Variants in ST6GALNAC3 observed in about 807,000 individuals in gnomAD.
ST6GALNAC3 encodes alpha-N-acetylgalactosaminide alpha-2,6-sialyltransferase 3.
Under a neutral mutation model 32.7 loss-of-function variants are expected in ST6GALNAC3, and 25 were observed. That is an observed-to-expected ratio of 0.76 (90% CI 0.56 to 1.07). The LOEUF (loss-of-function observed/expected upper bound fraction) is 1.07, where lower values mean the gene tolerates loss of function less well. Among genes scored for constraint, ST6GALNAC3 ranks in the 50% least tolerant of loss-of-function variants. ST6GALNAC3 has a pLI of 0.00. For synonymous variants in ST6GALNAC3, 129 were observed against 133.1 expected, an observed-to-expected ratio of 0.97 and a Z score of 0.21; for missense variants, 355 against 382.4, an observed-to-expected ratio of 0.93 and a Z score of 0.60.
intron 2 of ST6GALNAC3, among the ~76,000 whole-genome samples, chr1:76,385,603 G>A (rs6421755): frequency 0.99 from 149,986 of 152,244 alleles, 73,929 homozygotes; most frequent in Middle Eastern, 1. Context: ...TAAGCACTCC[G>A]TAAATATGTG....
At chr1:76,356,878 G>A (rs951668905) in intron 2 of ST6GALNAC3, among the ~76,000 whole-genome samples, 2 of 152,148 alleles carry the variant, frequency 1.3e-5, no homozygotes, top group Middle Eastern at 3.4e-3. Flanking sequence ...CAGCAAAACC[G>A]TATTGCGGTC....
chr1:76,397,369 C>CT (rs66473246), intron 2 of ST6GALNAC3, among the ~76,000 whole-genome samples: 79,973 of 123,436 alleles, frequency 0.65, 26,900 homozygotes, highest in East Asian at 0.83. Context: ...CTATAAGATG[C>CT]TTTTTTTTTT....
rs369707617 is a variant in ST6GALNAC3, at chr1:76,489,943, A to G, written c.623+77526A>G. Among the ~76,000 whole-genome samples the G allele has an allele frequency of 1.1e-3, 171 of 152,260 alleles. 1 individual carries two copies. In the Middle Eastern group the frequency reaches 0.024, roughly 21 times the overall value. On this transcript the variant is annotated intron_variant, in intron 3 of 4. Coordinates refer to ENST00000328299, the MANE Select transcript of ST6GALNAC3 (RefSeq NM_152996.4). The stretch of plus-strand genomic sequence containing the variant: ...TTCTGGTGATTCTTCCCTAAGCCCC[A>G]GGTAGCTGGAGGGCACATACCCTCG...
At chr1:76,448,277 G>A (rs184424705) in intron 3 of ST6GALNAC3, among the ~76,000 whole-genome samples, 6 of 152,110 alleles carry the variant, frequency 3.9e-5, no homozygotes, top group South Asian at 4.1e-4. Flanking sequence ...CCTTTTGAAT[G>A]GCTGTATTTA....
chr1:76,142,699 A>G (rs1186044765), intron 1 of ST6GALNAC3, among the ~76,000 whole-genome samples: 1 of 152,230 alleles, frequency 6.6e-6, no homozygotes, highest in African/African-American at 2.4e-5. Flanking sequence ...AGCCATTCTA[A>G]AGACATTGAA....
intron 1 of ST6GALNAC3, among the ~76,000 whole-genome samples, chr1:76,300,618 A>G (rs989046828): frequency 6.6e-6 from 1 of 152,020 alleles, no homozygotes; most frequent in South Asian, 2.1e-4. Context: ...TAAACTGATT[A>G]GTATCACAAC....
chr1:76,595,541 A>T (rs115687169), intron 3 of ST6GALNAC3, among the ~76,000 whole-genome samples: 1 of 152,148 alleles, frequency 6.6e-6, no homozygotes, highest in East Asian at 1.9e-4. Flanking sequence ...CACACTTAAA[A>T]TGTTCAGAAA....
rs899345632 is a variant in ST6GALNAC3, at chr1:76,255,883, T to A, written c.19-57922T>A. 3.9e-5 allele frequency among the ~76,000 whole-genome samples: 6 copies of A among 152,142 alleles called. No individual in the cohort carries two copies. The South Asian group carries it at 1.2e-3, about 32-fold the overall frequency. On this transcript the variant is annotated intron_variant, in intron 1 of 4. Transcript: ENST00000328299. ...ATATAAAAGGCAGGAAAAGTAGGGG[T>A]ATAAGAAAATAAAATAAAGATCAAA... is the stretch of plus-strand genomic sequence containing the variant.
At chr1:76,227,224 C>T (rs1392766504) in intron 1 of ST6GALNAC3, among the ~76,000 whole-genome samples, 1 of 152,032 alleles carries the variant, frequency 6.6e-6, no homozygotes, top group African/African-American at 2.4e-5. Flanking sequence ...GTGCTATGGC[C>T]CTGATCAATC....
intron 3 of ST6GALNAC3, among the ~76,000 whole-genome samples, chr1:76,493,396 A>G (rs960616128): frequency 6.6e-6 from 1 of 152,208 alleles, no homozygotes; most frequent in East Asian, 1.9e-4. Context: ...TGATCCAAGT[A>G]TGAAATAAAA....
intron 1 of ST6GALNAC3, among the ~76,000 whole-genome samples, chr1:76,301,412 A>G (rs1473782908): frequency 6.6e-6 from 1 of 152,120 alleles, no homozygotes; most frequent in Non-Finnish European, 1.5e-5. Flanking sequence ...GACCTTGTGC[A>G]TTTTACATCT....
At chr1:76,434,983 G>A (rs1656041604) in intron 3 of ST6GALNAC3, among the ~76,000 whole-genome samples, 1 of 151,668 alleles carries the variant, frequency 6.6e-6, no homozygotes, top group Non-Finnish European at 1.5e-5. Context: ...CAGAGACGGG[G>A]TTTCACCATG....
At chr1:76,549,575 C>A (rs1184774919) in intron 3 of ST6GALNAC3, among the ~76,000 whole-genome samples, 1 of 151,672 alleles carries the variant, frequency 6.6e-6, no homozygotes, top group Non-Finnish European at 1.5e-5. Context: ...TTTATTTTTC[C>A]ATTTTTCTGT....
intron 3 of ST6GALNAC3, among the ~76,000 whole-genome samples, chr1:76,422,618 C>G (rs1655100245): frequency 1.3e-5 from 2 of 151,960 alleles, no homozygotes; most frequent in Non-Finnish European, 2.9e-5. Context: ...TGGGCTCATT[C>G]CTGGACTTTC....
intron 3 of ST6GALNAC3, among the ~76,000 whole-genome samples, chr1:76,578,748 C>T (rs117467564): frequency 6.6e-6 from 1 of 152,034 alleles, no homozygotes; most frequent in East Asian, 1.9e-4. Flanking sequence ...CCCATGCCAC[C>T]AGGATCATTT....
At chr1:76,156,284 CT>C (rs1332720220) in intron 1 of ST6GALNAC3, among the ~76,000 whole-genome samples, 1 of 150,396 alleles carries the variant, frequency 6.6e-6, no homozygotes, top group African/African-American at 2.4e-5. Flanking sequence ...CGTAAAGTTA[CT>C]GTCCCCTCTC....
chr1:76,095,805 C>A (rs1647121575), intron 1 of ST6GALNAC3, among the ~76,000 whole-genome samples: 1 of 152,098 alleles, frequency 6.6e-6, no homozygotes, highest in Non-Finnish European at 1.5e-5. Flanking sequence ...AGTTGTCCTC[C>A]CTCATCTCCA....
At chr1:76,442,375 G>A (rs1338780158) in intron 3 of ST6GALNAC3, among the ~76,000 whole-genome samples, 1 of 152,150 alleles carries the variant, frequency 6.6e-6, no homozygotes, top group African/African-American at 2.4e-5. Flanking sequence ...AAGTAATGCT[G>A]TATCTGCTAT....
At chr1:76,572,157 G>A (rs77859580) in intron 3 of ST6GALNAC3, among the ~76,000 whole-genome samples, 1,883 of 151,970 alleles carry the variant, frequency 0.012, 39 homozygotes, top group African/African-American at 0.043. Context: ...CCAGGCAAAT[G>A]GGGGAATGAT....
Sources: gnomAD v4.1 joint callset for allele counts (sites outside exome capture counted in the v4.1 genomes callset) on GRCh38, gnomAD v4.1.1 for gene constraint, MANE v1.5 for transcripts, NCBI Gene and HGNC (gene_info 2026-07-23, HGNC 2026-07-21) for gene names.